The following CYP4F3 variants were observed in gnomAD, a reference collection of about 807,000 sequenced individuals.
CYP4F3 encodes cytochrome P450 4F3.
A neutral mutation model predicts 54.8 loss-of-function variants in CYP4F3; 50 were observed. That is an observed-to-expected ratio of 0.91 (90% CI 0.73 to 1.16). CYP4F3 has a LOEUF of 1.16. Ranked by LOEUF, CYP4F3 falls within the 50% of genes most tolerant of loss-of-function variation. CYP4F3 has a pLI of 0.00. For missense variants in CYP4F3, 715 were observed against 676.2 expected (o/e 1.06, Z -0.64); for synonymous variants, 244 against 262.6 (o/e 0.93, Z 0.69).
rs1365204641 is a variant in CYP4F3, at chr19:15,649,971, C to A, written c.706C>A (p.His236Asn). The change falls in exon 7 of 13, where the codon CAC becomes AAC. Residue 236 changes from histidine to asparagine, a missense_variant. His to Asn is a moderately conservative substitution (Grantham distance 68). Coordinates refer to ENST00000221307, the MANE Select transcript of CYP4F3 (RefSeq NM_000896.3). ...LELSALVTKR[H>N]QQILLYIDFL... ...GCTCAGTGCCCTTGTGACAAAAAGA[C>A]ACCAGCAGATCCTCCTGTACATAGA... The A allele has an allele frequency of 6.8e-6, 11 of 1,614,166 alleles. No homozygotes were observed. The highest frequency in any genetic ancestry group is 9.3e-6 in the Non-Finnish European group (11 of 1,180,024).
intron 2 of CYP4F3, 78 bp downstream of exon 2, chr19:15,641,691 GA>G (rs774706273): frequency 6.1e-6 from 8 of 1,318,992 alleles, no homozygotes; most frequent in African/African-American, 1.5e-5. Context: ...GCTCAGGTGA[GA>G]GGGGGTGGGC....
At chr19:15,646,282 T>C (rs1033597375) in intron 3 of CYP4F3, among the ~76,000 whole-genome samples, 4 of 152,144 alleles carry the variant, frequency 2.6e-5, no homozygotes, top group African/African-American at 9.7e-5. Flanking sequence ...TTGTCGCAGG[T>C]GCTGTTTGAC....
rs748740323 is a variant in CYP4F3 at position 15,658,765 on chromosome 19, G to A, written c.1353G>A (p.Lys451=). Residue 451 remains lysine, a synonymous_variant, in exon 12 of 13, where the codon AAG becomes AAA. Transcript: ENST00000221307. ...TTCGCTTTGACCCAAAGAACATCAA[G>A]GAGAGGTCACCTCTGGCTTTTATTC... The part of the protein sequence containing the change: ...DPFRFDPKNI[K]ERSPLAFIPF... 2 of 1,614,180 alleles carry A rather than the reference G, an allele frequency of 1.2e-6. No individual in the cohort carries two copies. Among genetic ancestry groups the A allele is most frequent in the Non-Finnish European group, 1.7e-6 (2 of 1,180,030 alleles).
At chr19:15,658,995 A>T (rs10404163) in intron 12 of CYP4F3, among the ~76,000 whole-genome samples, 186 bp downstream of exon 12, 70,225 of 151,718 alleles carry the variant, frequency 0.46, 17,496 homozygotes, top group East Asian at 0.65. Flanking sequence ...ATCCCTAGTG[A>T]GCTCAGAGCT....
intron 3 of CYP4F3, among the ~76,000 whole-genome samples, chr19:15,646,783 T>C (rs966162543): frequency 3.3e-5 from 5 of 152,152 alleles, no homozygotes; most frequent in African/African-American, 1.2e-4. Context: ...TGTTGGATCA[T>C]GTAGGAGGCA....
At chr19:15,644,016 A>AC (rs1451928620) in intron 2 of CYP4F3, 1 of 1,601,822 alleles carries the variant, frequency 6.2e-7, no homozygotes. Flanking sequence ...CGTTTTTGCC[A>AC]CCCCAACATC....
chr19:15,658,339 C>T lies in CYP4F3; in HGVS notation c.1191C>T (p.Ala397=), dbSNP rs1022703308. The part of the protein sequence containing the change: ...ESLRLHPPVP[A]VSRCCTQDIV... The stretch of plus-strand genomic sequence containing the variant: ...TGAGGCTGCATCCCCCAGTCCCTGC[C>T]GTCTCTCGCTGCTGCACCCAAGACA... The change falls in exon 10 of 13, where the codon GCC becomes GCT. Residue 397 remains alanine, a synonymous_variant. Transcript: ENST00000221307. 14 of 1,614,122 alleles carry T rather than the reference C, an allele frequency of 8.7e-6. No homozygotes were observed. Among genetic ancestry groups the T allele is most frequent in the Admixed American group, 8.3e-5 (5 of 60,020 alleles).
In CYP4F3 at chr19:15,658,568, C is replaced by G. The variant is rs530781038; in HGVS notation, c.1314+13C>G. 5.0e-6 allele frequency: 8 copies of G among 1,613,888 alleles called. No homozygotes were observed. The African/African-American group carries it at 5.3e-5, about 11-fold the overall frequency. The stretch of plus-strand genomic sequence containing the variant: ...GCCGGACCCTGAGGTGCGGGCCCCC[C>G]GTCTCTGTTTTTGTCCATTCCAAGG... On this transcript the variant is annotated intron_variant, in intron 11 of 12. Transcript: ENST00000221307.
At chr19:15,641,804 C>T (rs1018049177) in intron 2 of CYP4F3, among the ~76,000 whole-genome samples, 191 bp downstream of exon 2, 8 of 152,258 alleles carry the variant, frequency 5.3e-5, no homozygotes, top group African/African-American at 1.9e-4. Flanking sequence ...CCTCCCTGTT[C>T]TCCCACTCTT....
chr19:15,651,829 G>A (rs1228204243), intron 7 of CYP4F3, among the ~76,000 whole-genome samples: 5 of 152,152 alleles, frequency 3.3e-5, no homozygotes, highest in Non-Finnish European at 5.9e-5. Context: ...GTGTGTCTAT[G>A]TCTTTGTCTA....
At position 15,662,097 on chromosome 19, in the gene CYP4F3, C is replaced by T. The variant is rs977189153; in HGVS notation, c.*2712C>T. ...ACCAGCCTGGCCAATATGGTGAAACCACGTCTCTATTAAAAATAGAAAAAT... is the reference window on the plus strand; with the variant it reads ...ACCAGCCTGGCCAATATGGTGAAACTACGTCTCTATTAAAAATAGAAAAAT... On this transcript the variant is annotated 3_prime_UTR_variant, in exon 13 of 13. Coordinates refer to ENST00000221307, the MANE Select transcript of CYP4F3 (RefSeq NM_000896.3). 1 of 151,280 alleles carries T rather than the reference C, an allele frequency of 6.6e-6. No homozygotes were observed. Among genetic ancestry groups the T allele is most frequent in the Non-Finnish European group, 1.5e-5 (1 of 67,932 alleles). The allele number at this position is 151,280 out of a possible 1,614,324, so 9.4% of individuals were successfully genotyped here.
Position 15,656,654 on chromosome 19 carries a change from G to A in CYP4F3, c.1116-1610G>A, listed in dbSNP as rs188170054. Among the ~76,000 whole-genome samples the A allele has an allele frequency of 3.3e-5, 5 of 151,260 alleles. No individual in the cohort carries two copies. In the East Asian group the frequency reaches 9.7e-4, roughly 29 times the overall value. ...CTGTATCTATCATCTATGTAACTAT[G>A]TCTCCATCATCTATTATCTATCTCT... On this transcript the variant is annotated intron_variant, in intron 9 of 12. Coordinates refer to ENST00000221307, the MANE Select transcript of CYP4F3 (RefSeq NM_000896.3).
chr19:15,658,508 A>C lies in CYP4F3; in HGVS notation c.1267A>C (p.Ser423Arg), dbSNP rs1389170413. Residue 423 changes from serine to arginine, a missense_variant, in exon 11 of 13, where the codon AGT (serine) becomes CGT (arginine). Ser to Arg is a moderately radical substitution (Grantham distance 110). Coordinates refer to ENST00000221307, the MANE Select transcript of CYP4F3 (RefSeq NM_000896.3). ...VIPKGIICLISVFGTHHNPAV... is the reference protein window; with the variant it reads ...VIPKGIICLIRVFGTHHNPAV... ...TCCCACAGGCATTATCTGCCTCATC[A>C]GTGTTTTTGGAACCCATCACAACCC... 6.2e-7 allele frequency: 1 copy of C among 1,613,938 alleles called. No individual in the cohort carries two copies.
chr19:15,648,751 T>G (rs975108408), intron 5 of CYP4F3, among the ~76,000 whole-genome samples: 2 of 152,128 alleles, frequency 1.3e-5, no homozygotes. Flanking sequence ...AAACTGCAGG[T>G]CTGAGAGATT....
Position 15,650,164 on chromosome 19 carries a change from A to T in CYP4F3, c.899A>T (p.Asp300Val), listed in dbSNP as rs201590530. 2.3e-5 allele frequency: 37 copies of T among 1,614,160 alleles called. No homozygotes were observed. The Admixed American group carries it at 5.7e-4, about 25-fold the overall frequency. ...KAKSKTLDFI[D>V]VLLLSKDEDG... ...AAATCCAAGACTTTGGACTTCATTG[A>T]TGTACTCCTGCTGAGCAAGGTGGGC... The change falls in exon 7 of 13, where the codon GAT (aspartate) becomes GTT (valine). Residue 300 changes from aspartate to valine, a missense_variant. Coordinates refer to ENST00000221307, the MANE Select transcript of CYP4F3 (RefSeq NM_000896.3).
At position 15,653,963 on chromosome 19, in the gene CYP4F3, G is replaced by A. The variant is rs560434513; in HGVS notation, c.1115+1011G>A. ...GCCATGAGAAGTGTTTGAACAGGGA[G>A]GGACAAGTCACATCTGGGTACCAGG... On this transcript the variant is annotated intron_variant, in intron 9 of 12. Coordinates refer to ENST00000221307, the MANE Select transcript of CYP4F3 (RefSeq NM_000896.3). Among the ~76,000 whole-genome samples, 24 of 150,044 alleles carry A rather than the reference G, an allele frequency of 1.6e-4. No individual in the cohort carries two copies. In the East Asian group the frequency reaches 4.6e-3, roughly 28 times the overall value.
At chr19:15,657,444 C>T (rs894767753) in intron 9 of CYP4F3, among the ~76,000 whole-genome samples, 1 of 152,098 alleles carries the variant, frequency 6.6e-6, no homozygotes, top group African/African-American at 2.4e-5. Context: ...CAGGTGCCCC[C>T]CCACCATGCC....
Position 15,647,284 on chromosome 19 carries a change from C to T in CYP4F3, c.485C>T (p.Pro162Leu), listed in dbSNP as rs1972658504. Residue 162 changes from proline to leucine, a missense_variant, in exon 5 of 13, where the codon CCC becomes CTC. By Grantham distance (98) the Pro-to-Leu change is moderately conservative. Transcript: ENST00000221307. Reference protein sequence around the residue: ...TPAFHFNILKPYMKIFNESVN... With the variant: ...TPAFHFNILKLYMKIFNESVN... ...GCCTTCCATTTCAACATCCTGAAGC[C>T]CTATATGAAGATTTTCAATGAGAGT... 6.2e-7 allele frequency: 1 copy of T among 1,614,192 alleles called. No individual in the cohort carries two copies. The highest frequency in any genetic ancestry group is 1.1e-5 in the South Asian group (1 of 91,080).
At chr19:15,655,126 A>G (rs1432739330) in intron 9 of CYP4F3, among the ~76,000 whole-genome samples, 3 of 152,224 alleles carry the variant, frequency 2.0e-5, no homozygotes, top group Non-Finnish European at 4.4e-5. Flanking sequence ...ACTGTTAGTG[A>G]CATTGAGCAT....
Sources: allele counts gnomAD v4.1 joint callset (sites outside exome capture counted in the v4.1 genomes callset), GRCh38; gene constraint gnomAD v4.1.1; transcripts MANE v1.5; gene names NCBI Gene and HGNC (gene_info 2026-07-23, HGNC 2026-07-21).